Variants in RSRC1 observed in about 807,000 individuals in gnomAD.
RSRC1 encodes the protein arginine and serine rich coiled-coil 1, also known as serine/Arginine-related protein 53.
RSRC1 carries 39 observed loss-of-function variants against 49.1 expected under a neutral mutation model. The observed-to-expected ratio is 0.79, with a 90% CI of 0.61 to 1.04. The LOEUF (loss-of-function observed/expected upper bound fraction) is 1.04. RSRC1 is among the 50% of genes least tolerant of loss of function. The probability of loss-of-function intolerance (pLI) is 0.00; values close to 1 mark genes in which losing one functional copy is unlikely to be tolerated. For missense variants in RSRC1, 388 were observed against 402.4 expected, an observed-to-expected ratio of 0.96 and a Z score of 0.31; for synonymous variants, 143 against 130.8, an observed-to-expected ratio of 1.09 and a Z score of -0.63.
At chr3:158,288,884 G>C (rs947459969) in intron 4 of RSRC1, among the ~76,000 whole-genome samples, 2 of 121,208 alleles carry the variant, frequency 1.7e-5, no homozygotes, top group East Asian at 4.8e-4. Flanking sequence ...TGACTTCATT[G>C]TTGTGGATTC....
At chr3:158,119,361 A>T in intron 1 of RSRC1, among the ~76,000 whole-genome samples, 1 of 152,322 alleles carries the variant, frequency 6.6e-6, no homozygotes, top group Non-Finnish European at 1.5e-5. Flanking sequence ...GTTTGTTGAC[A>T]TATCTCATGT....
chr3:158,244,197 G>A (rs1011878032), intron 4 of RSRC1, among the ~76,000 whole-genome samples: 4 of 152,090 alleles, frequency 2.6e-5, no homozygotes, highest in African/African-American at 9.7e-5. Flanking sequence ...ATCGTCTTGT[G>A]CCAGTTTTCA....
chr3:158,179,943 T>C (rs999046547), intron 3 of RSRC1, among the ~76,000 whole-genome samples: 7 of 152,240 alleles, frequency 4.6e-5, no homozygotes, highest in Non-Finnish European at 5.9e-5. Flanking sequence ...AATAATGATA[T>C]CTCATTGTAA....
intron 5 of RSRC1, among the ~76,000 whole-genome samples, chr3:158,325,940 T>C (rs983350584): frequency 3.9e-5 from 6 of 152,204 alleles, no homozygotes; most frequent in Non-Finnish European, 7.3e-5. Context: ...GAAGAGATCC[T>C]TCACATCCCT....
At chr3:158,381,987 T>C (rs1560018932) in intron 6 of RSRC1, among the ~76,000 whole-genome samples, 1 of 152,194 alleles carries the variant, frequency 6.6e-6, no homozygotes, top group Non-Finnish European at 1.5e-5. Context: ...CTTTTTACTT[T>C]ATAAATTTTA....
intron 5 of RSRC1, among the ~76,000 whole-genome samples, chr3:158,305,996 A>T (rs1198432137): frequency 6.6e-6 from 1 of 152,016 alleles, no homozygotes; most frequent in East Asian, 1.9e-4. Context: ...AATTTAAGAA[A>T]CTTTAGATAA....
chr3:158,386,468 C>T (rs571460666), intron 6 of RSRC1, among the ~76,000 whole-genome samples: 2 of 152,104 alleles, frequency 1.3e-5, no homozygotes, highest in East Asian at 3.9e-4. Context: ...AAGATTTCCA[C>T]CTTAAAAAAA....
At chr3:158,342,255 T>C (rs538354369) in intron 5 of RSRC1, among the ~76,000 whole-genome samples, 54 of 152,294 alleles carry the variant, frequency 3.5e-4, no homozygotes, top group Admixed American at 1.2e-3. Flanking sequence ...CAGAATGATA[T>C]GGTTTGGCTG....
rs779646039 is a variant in RSRC1, at chr3:158,543,398, G to C, written c.823G>C (p.Asp275His). 1.2e-6 allele frequency: 2 copies of C among 1,603,342 alleles called. No individual in the cohort carries two copies. The highest frequency in any genetic ancestry group is 1.7e-5 in the Admixed American group (1 of 58,404). Residue 275 changes from aspartate to histidine, a missense_variant, in exon 9 of 10, where the codon GAT becomes CAT. Transcript: ENST00000611884. ...STSGPASAVA[D>H]PPSTEKEIDP... is the part of the protein sequence containing the mutation. The stretch of plus-strand genomic sequence containing the variant: ...ATCAGGACCAGCATCAGCAGTTGCT[G>C]ATCCACCCAGTACTGAAAAAGAAAT...
intron 4 of RSRC1, among the ~76,000 whole-genome samples, chr3:158,259,223 C>T (rs968565001): frequency 2.6e-5 from 4 of 152,044 alleles, no homozygotes; most frequent in Admixed American, 6.6e-5. Context: ...GGAGGCTTTC[C>T]GAGTATTCAT....
chr3:158,453,053 C>T (rs556605905), intron 6 of RSRC1, among the ~76,000 whole-genome samples: 3 of 152,044 alleles, frequency 2.0e-5, no homozygotes, highest in Non-Finnish European at 4.4e-5. Context: ...TCTTGAAAAT[C>T]TTTCCATATT....
intron 3 of RSRC1, chr3:158,136,834 A>G (rs1184698936): frequency 4.6e-5 from 7 of 152,230 alleles, no homozygotes; most frequent in African/African-American, 1.7e-4. Context: ...GTTCTTGGAC[A>G]GATAGTCTGA....
chr3:158,485,609 T>G (rs1050733784), intron 7 of RSRC1, among the ~76,000 whole-genome samples: 1 of 152,236 alleles, frequency 6.6e-6, no homozygotes, highest in African/African-American at 2.4e-5. Flanking sequence ...GCTCGAAGTT[T>G]TGTGGTTTTT....
chr3:158,274,878 G>A (rs1725718444), intron 4 of RSRC1, among the ~76,000 whole-genome samples: 1 of 152,118 alleles, frequency 6.6e-6, no homozygotes, highest in African/African-American at 2.4e-5. Flanking sequence ...TTTTTCTGTA[G>A]CCTATGGGAA....
At chr3:158,393,092 G>A (rs1455898206) in intron 6 of RSRC1, among the ~76,000 whole-genome samples, 1 of 151,662 alleles carries the variant, frequency 6.6e-6, no homozygotes, top group Non-Finnish European at 1.5e-5. Flanking sequence ...AAATTAAGGT[G>A]GAAATAAAAA....
intron 3 of RSRC1, among the ~76,000 whole-genome samples, chr3:158,130,995 A>G (rs1715980588): frequency 1.3e-5 from 2 of 152,208 alleles, no homozygotes; most frequent in East Asian, 1.9e-4. Flanking sequence ...TTCTCGGCTC[A>G]TTGCAGTGTC....
chr3:158,128,595 C>T (rs1031594436), intron 3 of RSRC1, among the ~76,000 whole-genome samples: 10 of 152,170 alleles, frequency 6.6e-5, no homozygotes, highest in African/African-American at 2.4e-4. Flanking sequence ...TTATACCCCT[C>T]ATATCACCTC....
intron 7 of RSRC1, among the ~76,000 whole-genome samples, chr3:158,468,334 T>C (rs1328220838): frequency 1.3e-5 from 2 of 152,220 alleles, no homozygotes; most frequent in East Asian, 3.9e-4. Flanking sequence ...GAGACACTTT[T>C]ATTGAAAAAT....
chr3:158,534,812 T>C (rs1219058290), intron 7 of RSRC1, among the ~76,000 whole-genome samples: 1 of 151,134 alleles, frequency 6.6e-6, no homozygotes, highest in Non-Finnish European at 1.5e-5. Context: ...GGAGTGAGAG[T>C]GAAGAAATAT....
Sources: gnomAD v4.1 joint callset for allele counts (sites outside exome capture counted in the v4.1 genomes callset) on GRCh38, gnomAD v4.1.1 for gene constraint, MANE v1.5 for transcripts, NCBI Gene and HGNC (gene_info 2026-07-23, HGNC 2026-07-21) for gene names.